The following CDH18 variants were observed in gnomAD, a reference collection of about 807,000 sequenced individuals.
CDH18 encodes the protein cadherin-18.
A neutral mutation model predicts 67.9 loss-of-function variants in CDH18; 31 were observed. The observed-to-expected ratio is 0.46, with a 90% CI of 0.34 to 0.62. CDH18 has a LOEUF of 0.62. Ranked by LOEUF, CDH18 falls within the 20% of genes least tolerant of loss-of-function variation. The pLI is 0.01. For synonymous variants in CDH18, 362 were observed against 347.2 expected, an observed-to-expected ratio of 1.04 and a Z score of -0.48; for missense variants, 890 against 975.5, an observed-to-expected ratio of 0.91 and a Z score of 1.17.
At chr5:19,632,176 T>A (rs1386759779) in intron 5 of CDH18, among the ~76,000 whole-genome samples, 1 of 152,246 alleles carries the variant, frequency 6.6e-6, no homozygotes, top group Non-Finnish European at 1.5e-5. Flanking sequence ...TTCTGTTTTT[T>A]AATTTTGTTC....
At chr5:20,043,450 A>G (rs1158691967) in intron 2 of CDH18, among the ~76,000 whole-genome samples, 1 of 152,154 alleles carries the variant, frequency 6.6e-6, no homozygotes, top group African/African-American at 2.4e-5. Context: ...GTGGCTCCAC[A>G]CCAGGCCATA....
At chr5:20,383,974 C>A (rs1389853716) in intron 1 of CDH18, among the ~76,000 whole-genome samples, 4 of 151,656 alleles carry the variant, frequency 2.6e-5, no homozygotes, top group Non-Finnish European at 5.9e-5. Flanking sequence ...AAATTCAAGT[C>A]AATAAAAATT....
chr5:19,623,981 C>CTATTAT (rs1751099275), intron 5 of CDH18, among the ~76,000 whole-genome samples: 1 of 109,106 alleles, frequency 9.2e-6, no homozygotes, highest in Non-Finnish European at 1.9e-5. Flanking sequence ...ATGTCACACT[C>CTATTAT]CATTATTATT....
intron 5 of CDH18, among the ~76,000 whole-genome samples, chr5:19,616,213 T>G (rs751651080): frequency 6.6e-6 from 1 of 152,140 alleles, no homozygotes; most frequent in Non-Finnish European, 1.5e-5. Flanking sequence ...ATTCTCACAA[T>G]GCTTAGCATA....
rs554315410 is a variant in CDH18 at position 19,537,096 on chromosome 5, T to C, written c.1390+6773A>G. On this transcript the variant is annotated intron_variant, in intron 9 of 12. Transcript: ENST00000382275. ...TATTCTAGGTGTTTTTGGATGAGAT[T>C]AGCATTTGCATCAGGAGACTGAGTA... 7.9e-5 allele frequency among the ~76,000 whole-genome samples: 12 copies of C among 152,290 alleles called. No homozygotes were observed. In the South Asian group the frequency reaches 8.3e-4, roughly 11 times the overall value.
Position 19,735,044 on chromosome 5 carries a change from C to A in CDH18, c.523+11898G>T, listed in dbSNP as rs567901607. ...GGAGGCAAATGCTGCTGAGTCACTA[C>A]CCTCCATAACACAGGTGAGTGTTTG... On this transcript the variant is annotated intron_variant, in intron 4 of 12. Coordinates refer to ENST00000382275, the MANE Select transcript of CDH18 (RefSeq NM_004934.5). Among the ~76,000 whole-genome samples the A allele has an allele frequency of 5.3e-4, 81 of 152,218 alleles. 1 individual carries two copies. Among genetic ancestry groups the A allele is most frequent in the South Asian group, 3.9e-3 (19 of 4,812 alleles).
At chr5:19,616,899 A>G (rs948628466) in intron 5 of CDH18, among the ~76,000 whole-genome samples, 1 of 152,138 alleles carries the variant, frequency 6.6e-6, no homozygotes, top group Non-Finnish European at 1.5e-5. Context: ...TCTTCTTTGC[A>G]AGCACTGAGA....
At chr5:19,501,804 G>A (rs1193652666) in intron 11 of CDH18, among the ~76,000 whole-genome samples, 1 of 152,070 alleles carries the variant, frequency 6.6e-6, no homozygotes, top group African/African-American at 2.4e-5. Flanking sequence ...ACAATTCTTT[G>A]AAATATGGAA....
rs1430061026 is a variant in CDH18, at chr5:19,811,386, CT to C, written c.228+27372del. 9.2e-5 allele frequency among the ~76,000 whole-genome samples: 14 copies of C among 151,930 alleles called. No homozygotes were observed. The East Asian group carries it at 2.7e-3, about 30-fold the overall frequency. On this transcript the variant is annotated intron_variant, in intron 3 of 12. Coordinates refer to ENST00000382275, the MANE Select transcript of CDH18 (RefSeq NM_004934.5). ...AGTGATGTTCTTATAAAATGGAGGG[CT>C]TTGGACACTAGATACACATACAGGA...
chr5:19,581,396 A>G (rs1743226790), intron 7 of CDH18, among the ~76,000 whole-genome samples: 1 of 151,998 alleles, frequency 6.6e-6, no homozygotes, highest in Non-Finnish European at 1.5e-5. Context: ...AGATTTACAT[A>G]TTCAGGACTT....
At chr5:20,250,915 C>T (rs893153445) in intron 2 of CDH18, among the ~76,000 whole-genome samples, 3 of 152,008 alleles carry the variant, frequency 2.0e-5, no homozygotes, top group African/African-American at 7.2e-5. Flanking sequence ...CAGACAAATG[C>T]ATTTAGATAA....
intron 2 of CDH18, among the ~76,000 whole-genome samples, chr5:19,923,025 T>A (rs1030622838): frequency 2.6e-5 from 4 of 152,192 alleles, no homozygotes; most frequent in Non-Finnish European, 4.4e-5. Flanking sequence ...CTCTGTACCA[T>A]CTATTTCTAT....
At chr5:20,172,448 T>A (rs1376190567) in intron 2 of CDH18, among the ~76,000 whole-genome samples, 1 of 151,504 alleles carries the variant, frequency 6.6e-6, no homozygotes. Context: ...AGTCGCAATT[T>A]TGAAATGTCT....
At chr5:19,475,848 TAAAG>T (rs1469558406) in intron 12 of CDH18, among the ~76,000 whole-genome samples, 1 of 152,062 alleles carries the variant, frequency 6.6e-6, no homozygotes, top group Non-Finnish European at 1.5e-5. Context: ...CTAACTCTGA[TAAAG>T]AACATACTTT....
intron 2 of CDH18, among the ~76,000 whole-genome samples, chr5:19,904,322 A>G (rs1231030562): frequency 1.4e-5 from 2 of 141,468 alleles, no homozygotes; most frequent in African/African-American, 5.1e-5. Flanking sequence ...ACGAAAAGAA[A>G]AGAAAAGAGA....
intron 1 of CDH18, among the ~76,000 whole-genome samples, chr5:20,285,462 G>A (rs1362159877): frequency 2.7e-5 from 4 of 148,698 alleles, no homozygotes; most frequent in Admixed American, 2.0e-4. Context: ...CATATAATAT[G>A]AGGCATGTTC....
intron 1 of CDH18, among the ~76,000 whole-genome samples, chr5:20,271,541 A>C (rs913275856): frequency 6.6e-6 from 1 of 152,118 alleles, no homozygotes; most frequent in African/African-American, 2.4e-5. Flanking sequence ...TTTACCCCAG[A>C]AATAGGTACA....
At chr5:20,484,697 AAAAAG>A (rs1404590216) in intron 1 of CDH18, among the ~76,000 whole-genome samples, 3 of 151,996 alleles carry the variant, frequency 2.0e-5, no homozygotes, top group Non-Finnish European at 2.9e-5. Flanking sequence ...AAACTGACAT[AAAAAG>A]AAAAGTTCCA....
Position 20,513,586 on chromosome 5 carries a change from C to G in CDH18, c.-580+61876G>C, listed in dbSNP as rs1042493891. On this transcript the variant is annotated intron_variant, in intron 1 of 14. Coordinates refer to the CDH18 transcript ENST00000507958. ...TAAAATCTAGATTTATGCTACAAGT[C>G]TTACATGTAGGCAGAAATGTCCAGG... Among the ~76,000 whole-genome samples, 3 of 152,052 alleles carry G rather than the reference C, an allele frequency of 2.0e-5. No individual in the cohort carries two copies. In the South Asian group the frequency reaches 6.2e-4, roughly 32 times the overall value.
Sources: allele counts gnomAD v4.1 joint callset (sites outside exome capture counted in the v4.1 genomes callset), GRCh38; gene constraint gnomAD v4.1.1; transcripts MANE v1.5; gene names NCBI Gene and HGNC (gene_info 2026-07-23, HGNC 2026-07-21).